KAZN: variants seen among roughly 807,000 people sequenced by gnomAD.
The protein encoded by KAZN is kazrin.
A neutral mutation model predicts 87.4 loss-of-function variants in KAZN; 40 were observed. The observed-to-expected ratio is 0.46, with a 90% CI of 0.36 to 0.60. KAZN has a LOEUF of 0.60. Among genes scored for constraint, KAZN ranks in the 20% least tolerant of loss-of-function variants. The pLI is 0.00. For missense variants in KAZN, 898 were observed against 1,073.9 expected (o/e 0.84, Z 2.29); for synonymous variants, 466 against 458.3 (o/e 1.02, Z -0.22).
chr1:14,439,714 C>A (rs1303240202), intron 2 of KAZN, among the ~76,000 whole-genome samples: 1 of 152,184 alleles, frequency 6.6e-6, no homozygotes, highest in Non-Finnish European at 1.5e-5. Flanking sequence ...CAGTGGCCGC[C>A]ATATTGGACA....
intron 1 of KAZN, among the ~76,000 whole-genome samples, chr1:13,921,134 T>C (rs887811786): frequency 1.3e-5 from 2 of 152,196 alleles, no homozygotes; most frequent in Non-Finnish European, 2.9e-5. Flanking sequence ...ATTGCCTTGA[T>C]TGTTCTTGGT....
chr1:14,450,697 C>T (rs1483821218), intron 2 of KAZN, among the ~76,000 whole-genome samples: 1 of 152,202 alleles, frequency 6.6e-6, no homozygotes, highest in Non-Finnish European at 1.5e-5. Context: ...TCAACTACCA[C>T]TTTGCCAAGT....
chr1:14,477,264 G>C (rs1051134669), intron 2 of KAZN, among the ~76,000 whole-genome samples: 1 of 152,158 alleles, frequency 6.6e-6, no homozygotes, highest in Non-Finnish European at 1.5e-5. Context: ...TGCCATCCAC[G>C]TAAGATGTGA....
chr1:14,407,128 A>G (rs1218049534), intron 2 of KAZN, among the ~76,000 whole-genome samples: 2 of 152,236 alleles, frequency 1.3e-5, no homozygotes, highest in Non-Finnish European at 2.9e-5. Context: ...ATTTGTATTC[A>G]GATATTACTG....
At chr1:14,691,336 A>T (rs1641295028) in intron 1 of KAZN, among the ~76,000 whole-genome samples, 1 of 152,246 alleles carries the variant, frequency 6.6e-6, no homozygotes, top group Non-Finnish European at 1.5e-5. Flanking sequence ...CCACACATGT[A>T]CACACATGCA....
chr1:14,503,590 G>T (rs1670388040), intron 2 of KAZN, among the ~76,000 whole-genome samples: 1 of 149,916 alleles, frequency 6.7e-6, no homozygotes, highest in Non-Finnish European at 1.5e-5. Context: ...AAAACACACA[G>T]ACTTAACAGC....
chr1:14,979,226 G>A (rs1238755169), intron 2 of KAZN, among the ~76,000 whole-genome samples: 14 of 151,690 alleles, frequency 9.2e-5, no homozygotes, highest in African/African-American at 2.9e-4. Flanking sequence ...CCTGACCAAC[G>A]TGTGAAACCC....
intron 2 of KAZN, among the ~76,000 whole-genome samples, chr1:14,328,358 C>T (rs1297465144): frequency 1.3e-5 from 2 of 152,154 alleles, no homozygotes; most frequent in African/African-American, 4.8e-5. Context: ...CCAAAACCTC[C>T]CTTACTTTGT....
chr1:14,947,903 A>G (rs1261959863), intron 1 of KAZN, among the ~76,000 whole-genome samples: 1 of 152,232 alleles, frequency 6.6e-6, no homozygotes, highest in African/African-American at 2.4e-5. Context: ...TGGGCAGGAA[A>G]AGCCTGGAAA....
intron 2 of KAZN, among the ~76,000 whole-genome samples, chr1:14,402,832 C>CTT (rs575952546): frequency 1.4e-5 from 2 of 146,620 alleles, no homozygotes; most frequent in East Asian, 2.0e-4. Context: ...GATATAGAAA[C>CTT]TTTTTTTTTT....
chr1:14,604,848 C>T (rs1179845851), intron 1 of KAZN, among the ~76,000 whole-genome samples: 1 of 152,164 alleles, frequency 6.6e-6, no homozygotes, highest in Admixed American at 6.5e-5. Context: ...GCAAAGAGCC[C>T]CAGGGCCTCT....
intron 2 of KAZN, among the ~76,000 whole-genome samples, chr1:14,304,271 T>C (rs1465712206): frequency 6.6e-6 from 1 of 152,234 alleles, no homozygotes; most frequent in Non-Finnish European, 1.5e-5. Context: ...TGTTCAACTT[T>C]CATCCAACAT....
chr1:13,894,085 AT>A (rs1349969229), intron 1 of KAZN, among the ~76,000 whole-genome samples: 17 of 152,180 alleles, frequency 1.1e-4, no homozygotes, highest in Non-Finnish European at 2.5e-4. Flanking sequence ...TGATGATGCC[AT>A]GCTGTGGCCA....
chr1:14,877,188 C>T (rs1326111501), intron 1 of KAZN, among the ~76,000 whole-genome samples: 1 of 152,216 alleles, frequency 6.6e-6, no homozygotes, highest in Admixed American at 6.5e-5. Flanking sequence ...CACCACCAAT[C>T]TCGTGGCTCT....
Position 14,497,929 on chromosome 1 carries a change from G to A in KAZN, c.250-101054G>A, listed in dbSNP as rs142525194. 9.6e-4 allele frequency among the ~76,000 whole-genome samples: 146 copies of A among 152,300 alleles called. 1 individual carries two copies. The highest frequency in any genetic ancestry group is 8.8e-3 in the Admixed American group (134 of 15,300). On this transcript the variant is annotated intron_variant, in intron 2 of 16. Transcript: ENST00000636203. ...ATGTTAATTCCTTGCCCATGGTCTC[G>A]TAACATATTTTAATGACTTCCTATG...
At position 15,094,351 on chromosome 1, in the gene KAZN, T is replaced by A; in HGVS notation, c.1394T>A (p.Val465Asp). ...GTGGTGATGGCCATGCCTATGTACG[T>A]CAAGGCCTGCACGGAGAACGTGAAG... ...LEVVMAMPMY[V>D]KACTENVKSG... is the part of the protein sequence containing the mutation. The change falls in exon 9 of 15, where the codon GTC becomes GAC. Residue 465 changes from valine (V) to aspartate (D), a missense_variant. Val to Asp is a radical substitution (Grantham distance 152). This residue lies in a region of KAZN where 521 missense variants were observed against 689.4 expected (regional missense o/e 0.76). Transcript: ENST00000376030. This position sits in a 1 kb window ranked among gnomAD's most constrained non-coding sequence, Gnocchi z 4.5. 1 of 1,613,736 alleles carries A rather than the reference T, an allele frequency of 6.2e-7. No individual in the cohort carries two copies. The highest frequency in any genetic ancestry group is 8.5e-7 in the Non-Finnish European group (1 of 1,179,784).
chr1:14,833,313 C>T (rs1173720701), intron 1 of KAZN, among the ~76,000 whole-genome samples: 1 of 151,982 alleles, frequency 6.6e-6, no homozygotes, highest in African/African-American at 2.4e-5. Flanking sequence ...GCTGGGATCT[C>T]CTAGAAACAG....
intron 2 of KAZN, among the ~76,000 whole-genome samples, chr1:14,279,824 C>T (rs183639969): frequency 5.8e-4 from 88 of 152,180 alleles, no homozygotes; most frequent in African/African-American, 2.0e-3. Flanking sequence ...GCAGCAGTGA[C>T]GAGAACATAA....
chr1:14,076,584 C>G (rs1267230129), intron 1 of KAZN, among the ~76,000 whole-genome samples: 1 of 152,134 alleles, frequency 6.6e-6, no homozygotes, highest in Non-Finnish European at 1.5e-5. Flanking sequence ...CAAACTAGTT[C>G]ACATTTCTAG....
Sources: gnomAD v4.1 joint callset for allele counts (sites outside exome capture counted in the v4.1 genomes callset) on GRCh38, gnomAD v4.1.1 for gene constraint, gnomAD v4.1.1 regional missense constraint, Gnocchi (gnomAD v3.1) non-coding constraint, MANE v1.5 for transcripts, NCBI Gene and HGNC (gene_info 2026-07-23, HGNC 2026-07-21) for gene names.